CABLES1: variants seen among roughly 807,000 people sequenced by gnomAD.
CABLES1 encodes the protein CDK5 and ABL1 enzyme substrate 1.
CABLES1 carries 36 observed loss-of-function variants against 57.8 expected under a neutral mutation model. The observed-to-expected ratio is 0.62, with a 90% CI of 0.48 to 0.82. The LOEUF is 0.82. Among genes scored for constraint, CABLES1 ranks in the 40% least tolerant of loss-of-function variants. CABLES1 has a pLI of 0.00. For missense variants in CABLES1, 767 were observed against 836.6 expected (o/e 0.92, Z 1.03); for synonymous variants, 374 against 363.0 (o/e 1.03, Z -0.35).
At chr18:23,144,467 C>G (rs1253728943) in intron 1 of CABLES1, among the ~76,000 whole-genome samples, 1 of 152,218 alleles carries the variant, frequency 6.6e-6, no homozygotes, top group Non-Finnish European at 1.5e-5. Flanking sequence ...GCTGCACCAC[C>G]CAGCCCACCC....
chr18:23,141,398 G>A (rs2046857071), intron 1 of CABLES1, among the ~76,000 whole-genome samples: 1 of 152,144 alleles, frequency 6.6e-6, no homozygotes, highest in African/African-American at 2.4e-5. Flanking sequence ...AAGGGGAGAT[G>A]GATGCTGTTT....
At chr18:23,214,248 C>A (rs1021299658) in intron 4 of CABLES1, 194 bp downstream of exon 4, 6 of 530,624 alleles carry the variant, frequency 1.1e-5, no homozygotes, top group Non-Finnish European at 2.0e-5. Context: ...TGTGTGTGTG[C>A]GTGTGTGTCC....
At chr18:23,193,115 C>G (rs768179097) in intron 2 of CABLES1, among the ~76,000 whole-genome samples, 1 of 152,082 alleles carries the variant, frequency 6.6e-6, no homozygotes, top group Non-Finnish European at 1.5e-5. Flanking sequence ...CAACCCCACT[C>G]TAACCCCTCC....
At chr18:23,210,412 A>G (rs552474121) in intron 3 of CABLES1, among the ~76,000 whole-genome samples, 8 of 152,322 alleles carry the variant, frequency 5.3e-5, no homozygotes, top group Admixed American at 2.6e-4. Flanking sequence ...AATGTCTGAC[A>G]TTGGAAGTGG....
chr18:23,253,041 A>G lies in CABLES1; in HGVS notation c.1528A>G (p.Lys510Glu), dbSNP rs1462239277. 6.2e-7 allele frequency: 1 copy of G among 1,613,024 alleles called. No homozygotes were observed. The highest frequency in any genetic ancestry group is 1.1e-5 in the South Asian group (1 of 91,064). ...ETFKEKFPHI[K>E]LTLSKIRSLK... ...CTTCAAGGAGAAGTTTCCTCACATT[A>G]AGCTGACACTCAGCAAAATTAGGAG... is the stretch of plus-strand genomic sequence containing the variant. The change falls in exon 8 of 10, where the codon AAG (lysine) becomes GAG (glutamate). Residue 510 changes from lysine to glutamate, a missense_variant. Around this residue, in one of 4 missense-constraint regions of CABLES1, gnomAD observed 529 missense variants for 622.8 expected, o/e 0.85. Transcript: ENST00000256925.
At chr18:23,224,596 T>C (rs1479431681) in intron 4 of CABLES1, among the ~76,000 whole-genome samples, 5 of 127,252 alleles carry the variant, frequency 3.9e-5, no homozygotes, top group Non-Finnish European at 7.9e-5. Flanking sequence ...GGAGACAGAG[T>C]CTCTCTCAGT....
intron 3 of CABLES1, among the ~76,000 whole-genome samples, chr18:23,201,892 A>C (rs924688588): frequency 2.0e-5 from 3 of 151,526 alleles, no homozygotes; most frequent in Admixed American, 2.0e-4. Context: ...GGTGTGAGGG[A>C]GGTGAGGGAG....
In CABLES1 at chr18:23,188,756, AG is replaced by A; in HGVS notation, c.846-79del. 4 of 963,294 alleles carry A rather than the reference AG, an allele frequency of 4.2e-6. No individual in the cohort carries two copies. In the African/African-American group the frequency reaches 4.8e-5, roughly 12 times the overall value. The allele number at this position is 963,294 out of a possible 1,614,324, so 59.7% of individuals were successfully genotyped here. On this transcript the variant is annotated intron_variant, in intron 1 of 9. Coordinates refer to ENST00000256925, the MANE Select transcript of CABLES1 (RefSeq NM_001100619.3). ...TTAACGGACTTCATGTTTTTGTTTTAGGGTAGTTTTAGATTTGCACAAATGT... is the reference window on the plus strand; with the variant it reads ...TTAACGGACTTCATGTTTTTGTTTTAGGTAGTTTTAGATTTGCACAAATGT...
chr18:23,222,634 T>C (rs1344130022), intron 4 of CABLES1, among the ~76,000 whole-genome samples: 2 of 151,196 alleles, frequency 1.3e-5, no homozygotes, highest in African/African-American at 2.4e-5. Context: ...GATATAGATA[T>C]AGATATATAT....
chr18:23,256,017 C>T (rs1421711823), intron 9 of CABLES1, among the ~76,000 whole-genome samples: 2 of 152,200 alleles, frequency 1.3e-5, no homozygotes, highest in Non-Finnish European at 2.9e-5. Context: ...CTTGGCCTTC[C>T]TTACATGGGG....
intron 1 of CABLES1, among the ~76,000 whole-genome samples, chr18:23,154,462 C>T (rs1218348130): frequency 6.6e-6 from 1 of 152,158 alleles, no homozygotes; most frequent in Non-Finnish European, 1.5e-5. Context: ...CCTTAATCTT[C>T]TTGAGCCTTT....
chr18:23,221,166 G>A (rs990072598), intron 4 of CABLES1, among the ~76,000 whole-genome samples: 1 of 152,344 alleles, frequency 6.6e-6, no homozygotes, highest in East Asian at 1.9e-4. Flanking sequence ...TTGCATTAGA[G>A]GATTCCTTAT....
chr18:23,257,176 T>G (rs1173764890), intron 9 of CABLES1, 51 bp from the exon 10 acceptor site: 4 of 1,598,904 alleles, frequency 2.5e-6, no homozygotes, highest in Non-Finnish European at 2.6e-6. Flanking sequence ...GCAGAAAGAC[T>G]AGGATTTTAA....
chr18:23,184,366 T>C (rs1319612135), intron 1 of CABLES1, among the ~76,000 whole-genome samples: 1 of 151,984 alleles, frequency 6.6e-6, no homozygotes, highest in Non-Finnish European at 1.5e-5. Context: ...TTCAGACTTC[T>C]ATAATGAAGT....
Position 23,253,742 on chromosome 18 carries a change from A to T in CABLES1, c.1567A>T (p.Met523Leu), listed in dbSNP as rs754727784. The change falls in exon 9 of 10, where the codon ATG becomes TTG. Residue 523 changes from methionine (M) to leucine (L), a missense_variant. This residue lies in a region of CABLES1 where 529 missense variants were observed against 622.8 expected (regional missense o/e 0.85). Coordinates refer to ENST00000256925, the MANE Select transcript of CABLES1 (RefSeq NM_001100619.3). ...GTCTTTCTCCAGTCTGAAACGAGAGATGCGGAAGCTTGCGCAGGAGGACTG... is the reference window on the plus strand; with the variant it reads ...GTCTTTCTCCAGTCTGAAACGAGAGTTGCGGAAGCTTGCGCAGGAGGACTG... ...LSKIRSLKREMRKLAQEDCGL... is the reference protein window; with the variant it reads ...LSKIRSLKRELRKLAQEDCGL... 5.5e-5 allele frequency: 89 copies of T among 1,614,020 alleles called. No individual in the cohort carries two copies. The highest frequency in any genetic ancestry group is 6.7e-5 in the Non-Finnish European group (79 of 1,180,008).
chr18:23,207,809 A>G (rs896588284), intron 3 of CABLES1, among the ~76,000 whole-genome samples: 1 of 152,162 alleles, frequency 6.6e-6, no homozygotes, highest in African/African-American at 2.4e-5. Flanking sequence ...TGCCTGCAGT[A>G]TGTCCTGTGG....
intron 2 of CABLES1, among the ~76,000 whole-genome samples, chr18:23,193,682 T>C (rs943350729): frequency 7.2e-5 from 11 of 152,224 alleles, no homozygotes; most frequent in African/African-American, 2.4e-4. Flanking sequence ...GTCGTTGTGA[T>C]TGTGGTTTTG....
chr18:23,257,280 C>T lies in CABLES1; in HGVS notation c.1815C>T (p.Phe605=). Residue 605 remains phenylalanine (F), a synonymous_variant, in exon 10 of 10, where the codon TTC becomes TTT. Transcript: ENST00000256925. ...GGCGAGAACTGATTGCCTTTGAATT[C>T]CCGGTGTTAGTGGCCTTGGAATTCG... ...LNRRELIAFE[F]PVLVALEFAL... is the part of the protein sequence containing the mutation. The T allele has an allele frequency of 6.2e-7, 1 of 1,613,626 alleles. No homozygotes were observed. The highest frequency in any genetic ancestry group is 8.5e-7 in the Non-Finnish European group (1 of 1,179,928).
At position 23,161,706 on chromosome 18, in the gene CABLES1, C is replaced by G. The variant is rs905570061; in HGVS notation, c.845+25099C>G. Among the ~76,000 whole-genome samples the G allele has an allele frequency of 4.2e-5, 6 of 144,384 alleles. No individual in the cohort carries two copies. The South Asian group carries it at 1.1e-3, about 26-fold the overall frequency. 94.7% of individuals were successfully genotyped at this position (144,384 alleles called of 152,430 possible). A position where few individuals can be genotyped will look rare whatever the true frequency, so the allele number is the denominator to read the frequency against. On this transcript the variant is annotated intron_variant, in intron 1 of 9. Transcript: ENST00000256925. ...AGGGTGGATCACAAGGTCAGGAGAT[C>G]GAGACCATCCTGGCTAACATGGTGA...
Sources: allele counts gnomAD v4.1 joint callset (sites outside exome capture counted in the v4.1 genomes callset), GRCh38; gene constraint gnomAD v4.1.1; regional missense constraint gnomAD v4.1.1; transcripts MANE v1.5; gene names NCBI Gene and HGNC (gene_info 2026-07-23, HGNC 2026-07-21).